The following CD151 variants were observed in gnomAD, a reference collection of about 807,000 sequenced individuals.
CD151 encodes the protein CD151 antigen.
Under a neutral mutation model 34.2 loss-of-function variants are expected in CD151, and 20 were observed. The ratio of observed to expected loss-of-function variants is 0.58; its 90% CI spans 0.41 to 0.85. The LOEUF (loss-of-function observed/expected upper bound fraction) is 0.85. Among genes scored for constraint, CD151 ranks in the 40% least tolerant of loss-of-function variants. The pLI is 0.00. For missense variants in CD151, 306 were observed against 324.5 expected (o/e 0.94, Z 0.44); for synonymous variants, 157 against 131.7 (o/e 1.19, Z -1.32).
intron 3 of CD151, 39 bp downstream of exon 3, chr11:836,192 C>T: frequency 2.6e-6 from 4 of 1,551,418 alleles, no homozygotes; most frequent in Non-Finnish European, 3.6e-6. Context: ...CCACCCCCAC[C>T]CCTCCCGGGC....
intron 2 of CD151, chr11:835,363 T>C (rs969198887): frequency 2.0e-5 from 3 of 152,464 alleles, no homozygotes; most frequent in Admixed American, 2.0e-4. Flanking sequence ...TTTATTGAGA[T>C]GGAGTCTCAC....
intron 4 of CD151, 83 bp downstream of exon 4, chr11:836,525 T>C (rs1846777232): frequency 9.5e-6 from 10 of 1,052,574 alleles, no homozygotes; most frequent in African/African-American, 2.0e-5. Flanking sequence ...AACCTGTGCC[T>C]TGCTGTGCTC....
At chr11:836,520 G>A in intron 4 of CD151, 78 bp downstream of exon 4, 4 of 1,074,332 alleles carry the variant, frequency 3.7e-6, no homozygotes, top group Non-Finnish European at 5.3e-6. Flanking sequence ...CTTTGAACCT[G>A]TGCCTTGCTG....
chr11:836,610 A>G, intron 4 of CD151, 159 bp from the exon 5 acceptor site: 1 of 844,116 alleles, frequency 1.2e-6, no homozygotes, highest in Non-Finnish European at 1.9e-6. Context: ...GGACCAGCTG[A>G]GGGAAGACAC....
rs931066918 is a variant in CD151, at chr11:834,531, C to G, written c.-68C>G. ...CCTGACATGTCCTTGCCCCTCTAGCCTAGAGTCCTGGGGAGCTTCTGTCCA... is the reference window on the plus strand; with the variant it reads ...CCTGACATGTCCTTGCCCCTCTAGCGTAGAGTCCTGGGGAGCTTCTGTCCA... On this transcript the variant is annotated splice_region_variant and 5_prime_UTR_variant, in exon 2 of 9. Coordinates refer to ENST00000397420, the MANE Select transcript of CD151 (RefSeq NM_004357.5). 1 of 152,456 alleles carries G rather than the reference C, an allele frequency of 6.6e-6. No homozygotes were observed. The highest frequency in any genetic ancestry group is 2.4e-5 in the African/African-American group (1 of 41,442). The allele number at this position is 152,456 out of a possible 1,614,324, so 9.4% of individuals were successfully genotyped here.
In CD151 at chr11:837,947, C is replaced by A. The variant is rs1307559596; in HGVS notation, c.621C>A (p.Gly207=). The change falls in exon 8 of 9, where the codon GGC becomes GGA. Residue 207 remains glycine, a synonymous_variant. Coordinates refer to ENST00000397420, the MANE Select transcript of CD151 (RefSeq NM_004357.5). Reference sequence around the variant, plus strand: ...CACCCATCCGCGCCCCGCAGGGCGGCTGCATCACCAAGTTGGAGACCTTCA... The same window carrying A: ...CACCCATCCGCGCCCCGCAGGGCGGATGCATCACCAAGTTGGAGACCTTCA... ...HASNIYKVEG[G]CITKLETFIQ... is the part of the protein sequence containing the mutation. 6.2e-7 allele frequency: 1 copy of A among 1,611,954 alleles called. No homozygotes were observed.
In CD151 at chr11:836,115, C is replaced by G; in HGVS notation, c.46C>G (p.Leu16Val). The change falls in exon 3 of 9, where the codon CTC (leucine) becomes GTC (valine). Residue 16 changes from leucine (L) to valine (V), a missense_variant. By Grantham distance (32) the Leu-to-Val change is conservative. Coordinates refer to ENST00000397420, the MANE Select transcript of CD151 (RefSeq NM_004357.5). ...GAAGACAACATGTGGCACCGTTTGCCTCAAGTACCTGCTGTTTACCTACAA... is the reference window on the plus strand; with the variant it reads ...GAAGACAACATGTGGCACCGTTTGCGTCAAGTACCTGCTGTTTACCTACAA... The part of the protein sequence containing the change: ...EKKTTCGTVC[L>V]KYLLFTYNCC... 6.2e-7 allele frequency: 1 copy of G among 1,612,994 alleles called. No homozygotes were observed. Among genetic ancestry groups the G allele is most frequent in the Non-Finnish European group, 8.5e-7 (1 of 1,179,894 alleles).
chr11:836,137 A>G lies in CD151; in HGVS notation c.68A>G (p.Tyr23Cys). 6.2e-7 allele frequency: 1 copy of G among 1,612,498 alleles called. No individual in the cohort carries two copies. Among genetic ancestry groups the G allele is most frequent in the Non-Finnish European group, 8.5e-7 (1 of 1,179,568 alleles). The stretch of plus-strand genomic sequence containing the variant: ...TGCCTCAAGTACCTGCTGTTTACCT[A>G]CAATTGCTGCTTCTGGGTGAGGAGG... ...TVCLKYLLFT[Y>C]NCCFWLAGLA... The change falls in exon 3 of 9, where the codon TAC becomes TGC. Residue 23 changes from tyrosine (Y) to cysteine (C), a missense_variant. Coordinates refer to ENST00000397420, the MANE Select transcript of CD151 (RefSeq NM_004357.5).
chr11:837,713 T>C, intron 7 of CD151, 95 bp downstream of exon 7: 2 of 1,311,218 alleles, frequency 1.5e-6, no homozygotes, highest in Non-Finnish European at 2.1e-6. Flanking sequence ...GCCTCCAATA[T>C]CTACCAGGAG....
Position 838,049 on chromosome 11 carries a change from C to A in CD151, c.702+21C>A, listed in dbSNP as rs375649165. The stretch of plus-strand genomic sequence containing the variant: ...TGCAGGTGAGGGCACATGGGGGTGG[C>A]GGTCATCTTGTTGGGGACACGGGGC... On this transcript the variant is annotated intron_variant, in intron 8 of 8. Coordinates refer to ENST00000397420, the MANE Select transcript of CD151 (RefSeq NM_004357.5). The A allele has an allele frequency of 1.2e-5, 20 of 1,610,030 alleles. No individual in the cohort carries two copies. The African/African-American group carries it at 2.4e-4, about 19-fold the overall frequency.
chr11:836,468 T>C, intron 4 of CD151, 26 bp downstream of exon 4: 1 of 1,556,576 alleles, frequency 6.4e-7, no homozygotes, highest in Non-Finnish European at 8.7e-7. Flanking sequence ...GGCCACGGGG[T>C]GGGGGTGGTG....
rs28434354 is a variant in CD151, at chr11:836,227, A to G, written c.85-24A>G. 1,533,290 of 1,610,378 alleles carry G rather than the reference A, an allele frequency of 0.95. 729,951 individuals are homozygous for G. Among genetic ancestry groups the G allele is most frequent in the East Asian group, 1 (44,830 of 44,838 alleles). On this transcript the variant is annotated intron_variant, in intron 3 of 8. Coordinates refer to ENST00000397420, the MANE Select transcript of CD151 (RefSeq NM_004357.5). Reference sequence around the variant, plus strand: ...CCACCATCAGACCTGGGCAGATGCGATGACCTTTGTGTACTGCTTGTAGCT... The same window carrying G: ...CCACCATCAGACCTGGGCAGATGCGGTGACCTTTGTGTACTGCTTGTAGCT...
rs1414970887 is a variant in CD151, at chr11:837,572, C to T, written c.569C>T (p.Ala190Val). 1 of 1,613,016 alleles carries T rather than the reference C, an allele frequency of 6.2e-7. No homozygotes were observed. Among genetic ancestry groups the T allele is most frequent in the African/African-American group, 1.3e-5 (1 of 74,928 alleles). The change falls in exon 7 of 9, where the codon GCT becomes GTT. Residue 190 changes from alanine (A) to valine (V), a missense_variant. Coordinates refer to ENST00000397420, the MANE Select transcript of CD151 (RefSeq NM_004357.5). ...VPDSCCKTVV[A>V]LCGQRDHASN... is the part of the protein sequence containing the mutation. Reference sequence around the variant, plus strand: ...GACAGCTGCTGCAAGACGGTGGTGGCTCTTTGTGGGCAGCGAGACCATGCC... The same window carrying T: ...GACAGCTGCTGCAAGACGGTGGTGGTTCTTTGTGGGCAGCGAGACCATGCC...
Position 832,999 on chromosome 11 carries a change from C to G in CD151, c.-97C>G, listed in dbSNP as rs1846566832. Reference sequence around the variant, plus strand: ...GCCCCCGCAGCTGCTGCCGCCGCCGCCAGGGCCCGGACTCGGACGCGTGGT... The same window carrying G: ...GCCCCCGCAGCTGCTGCCGCCGCCGGCAGGGCCCGGACTCGGACGCGTGGT... On this transcript the variant is annotated 5_prime_UTR_variant, in exon 1 of 9. Coordinates refer to ENST00000397420, the MANE Select transcript of CD151 (RefSeq NM_004357.5). 1.5e-5 allele frequency: 2 copies of G among 137,626 alleles called. No homozygotes were observed. The highest frequency in any genetic ancestry group is 3.9e-4 in the South Asian group (2 of 5,186). 8.5% of individuals were successfully genotyped at this position (137,626 alleles called of 1,614,324 possible).
chr11:837,877 A>G (rs991139142), intron 7 of CD151, 65 bp from the exon 8 acceptor site: 1 of 1,291,880 alleles, frequency 7.7e-7, no homozygotes, highest in Non-Finnish European at 1.1e-6. Context: ...TGGAGGCTGG[A>G]GGCAGTAGGG....
rs746358515 is a variant in CD151 at position 836,150 on chromosome 11, C to T, written c.81C>T (p.Phe27=). Residue 27 remains phenylalanine, a synonymous_variant, in exon 3 of 9, where the codon TTC becomes TTT. Coordinates refer to ENST00000397420, the MANE Select transcript of CD151 (RefSeq NM_004357.5). ...KYLLFTYNCC[F]WLAGLAVMAV... ...TGCTGTTTACCTACAATTGCTGCTT[C>T]TGGGTGAGGAGGGGTCGCCTTGCCC... 6.2e-7 allele frequency: 1 copy of T among 1,612,192 alleles called. No homozygotes were observed. The highest frequency in any genetic ancestry group is 1.1e-5 in the South Asian group (1 of 91,050).
At chr11:833,661 A>G (rs1846627779) in intron 1 of CD151, among the ~76,000 whole-genome samples, 2 of 152,154 alleles carry the variant, frequency 1.3e-5, no homozygotes, top group South Asian at 4.1e-4. Context: ...ATTCCTGGGA[A>G]GAGGGGCCAC....
rs550508687 is a variant in CD151, at chr11:835,916, TG to T, written c.-7-146del. ...GTTAGCCAGGATGGTCTTGATCTCC[TG>T]ACCTTGTGATCTGCCTGCCTTGGCC... On this transcript the variant is annotated intron_variant, in intron 2 of 8. Transcript: ENST00000397420. 5.7e-4 allele frequency: 364 copies of T among 642,142 alleles called. 1 individual carries two copies. In the African/African-American group the frequency reaches 6.2e-3, roughly 11 times the overall value. The allele number at this position is 642,142 out of a possible 1,614,324, so 39.8% of individuals were successfully genotyped here.
chr11:836,501 C>T lies in CD151; in HGVS notation c.276+59C>T, dbSNP rs552112986. ...GTGCAGATGGGCCCAAGGAGGTTGT[C>T]GCTGCAGGCTTTGAACCTGTGCCTT... On this transcript the variant is annotated intron_variant, in intron 4 of 8. Coordinates refer to ENST00000397420, the MANE Select transcript of CD151 (RefSeq NM_004357.5). The T allele has an allele frequency of 8.1e-4, 1,049 of 1,299,902 alleles. 3 individuals are homozygous for T. The Middle Eastern group carries it at 0.018, about 22-fold the overall frequency. 80.5% of individuals were successfully genotyped at this position (1,299,902 alleles called of 1,614,324 possible).
Sources: gnomAD v4.1 joint callset for allele counts (sites outside exome capture counted in the v4.1 genomes callset) on GRCh38, gnomAD v4.1.1 for gene constraint, MANE v1.5 for transcripts, NCBI Gene and HGNC (gene_info 2026-07-23, HGNC 2026-07-21) for gene names.